Variants in SUSD1 observed in about 807,000 individuals in gnomAD.
The protein encoded by SUSD1 is sushi domain containing 1, also known as sushi domain-containing protein 1.
In SUSD1, 65 loss-of-function variants were observed where a neutral mutation model predicts 86.9. The ratio of observed to expected loss-of-function variants is 0.75; its 90% CI spans 0.61 to 0.92. The LOEUF is 0.92. Among genes scored for constraint, SUSD1 ranks in the 40% least tolerant of loss-of-function variants. The probability of loss-of-function intolerance (pLI) is 0.00; values close to 1 mark genes in which losing one functional copy is unlikely to be tolerated. For missense variants in SUSD1, 850 were observed against 929.7 expected (o/e 0.91, Z 1.11); for synonymous variants, 346 against 350.0 (o/e 0.99, Z 0.13).
intron 8 of SUSD1, chr9:112,103,102 A>T (rs1351182259): frequency 2.2e-6 from 1 of 451,034 alleles, no homozygotes; most frequent in Non-Finnish European, 4.5e-6. Flanking sequence ...GTAAATGTCT[A>T]CCAGAGAGAA....
At chr9:112,143,678 A>AG in intron 3 of SUSD1, 55 bp from the exon 4 acceptor site, 1 of 1,538,400 alleles carries the variant, frequency 6.5e-7, no homozygotes, top group Non-Finnish European at 8.8e-7. Flanking sequence ...AAAGAAAAAA[A>AG]AAAGGAGAGG....
chr9:112,068,772 T>C (rs1829111729), intron 12 of SUSD1, among the ~76,000 whole-genome samples: 1 of 151,250 alleles, frequency 6.6e-6, no homozygotes, highest in Non-Finnish European at 1.5e-5. Context: ...GATCAAAGGA[T>C]GAATAGAAAA....
intron 5 of SUSD1, among the ~76,000 whole-genome samples, chr9:112,130,611 G>GAAGGA (rs1007418146): frequency 1.4e-4 from 20 of 143,680 alleles, no homozygotes; most frequent in East Asian, 1.2e-3. Context: ...GAAAGGAAAG[G>GAAGGA]AAGGAAAGGA....
At chr9:112,088,562 G>A (rs1396542232) in intron 10 of SUSD1, among the ~76,000 whole-genome samples, 2 of 152,158 alleles carry the variant, frequency 1.3e-5, no homozygotes, top group African/African-American at 4.8e-5. Flanking sequence ...CAAGGTAGGA[G>A]GATCACTTAA....
chr9:112,136,237 T>C (rs1462339018), intron 5 of SUSD1, among the ~76,000 whole-genome samples: 2 of 152,152 alleles, frequency 1.3e-5, no homozygotes, highest in African/African-American at 4.8e-5. Flanking sequence ...TTTATTTATT[T>C]TGAAAATTTT....
intron 15 of SUSD1, chr9:112,042,178 T>C: frequency 6.5e-7 from 1 of 1,536,832 alleles, no homozygotes; most frequent in Non-Finnish European, 8.7e-7. Context: ...GAAAAGGAAG[T>C]GTAAAGCCAG....
At chr9:112,059,371 A>T (rs1164026885) in intron 13 of SUSD1, among the ~76,000 whole-genome samples, 2 of 152,220 alleles carry the variant, frequency 1.3e-5, no homozygotes, top group African/African-American at 4.8e-5. Context: ...GTGGGCAAAT[A>T]AAGCCCAACT....
intron 1 of SUSD1, among the ~76,000 whole-genome samples, chr9:112,174,926 G>T (rs965350767): frequency 7.9e-5 from 12 of 151,594 alleles, no homozygotes; most frequent in African/African-American, 2.9e-4. Flanking sequence ...GGTCGGGCGG[G>T]GGCAGGGAAG....
At chr9:112,139,769 C>G (rs1024219350) in intron 5 of SUSD1, among the ~76,000 whole-genome samples, 4 of 151,440 alleles carry the variant, frequency 2.6e-5, no homozygotes, top group African/African-American at 9.7e-5. Flanking sequence ...TAACTTATTT[C>G]CAATTAAAAA....
intron 12 of SUSD1, among the ~76,000 whole-genome samples, chr9:112,064,726 A>G (rs1291814742): frequency 6.6e-6 from 1 of 152,246 alleles, no homozygotes; most frequent in South Asian, 2.1e-4. Context: ...AGATGCAAAA[A>G]TTAGCCAGGC....
chr9:112,117,934 G>A lies in SUSD1; in HGVS notation c.887-5066C>T, dbSNP rs143556539. Among the ~76,000 whole-genome samples the A allele has an allele frequency of 3.4e-3, 521 of 152,316 alleles. 1 individual carries two copies. The highest frequency in any genetic ancestry group is 0.012 in the African/African-American group (498 of 41,556). The stretch of plus-strand genomic sequence containing the variant: ...ATGCTACAGTGAAGTGGGGGTGTTC[G>A]ATGCCTGGTTTCCCCCCAGTAGGCT... On this transcript the variant is annotated intron_variant, in intron 6 of 16. Coordinates refer to ENST00000374270, the MANE Select transcript of SUSD1 (RefSeq NM_022486.5).
chr9:112,052,017 G>GT, intron 15 of SUSD1: 1 of 588,730 alleles, frequency 1.7e-6, no homozygotes, highest in Non-Finnish European at 2.5e-6. Context: ...GAAAAGCTAT[G>GT]TTTTCCCAGT....
chr9:112,108,797 A>AAAAG (rs1301134664), intron 8 of SUSD1, among the ~76,000 whole-genome samples: 2 of 146,232 alleles, frequency 1.4e-5, no homozygotes, highest in Admixed American at 7.1e-5. Flanking sequence ...AAAAAGAAAA[A>AAAAG]AAAGAAAGAA....
intron 11 of SUSD1, among the ~76,000 whole-genome samples, chr9:112,079,418 T>G (rs998626705): frequency 2.7e-4 from 41 of 152,102 alleles, no homozygotes; most frequent in South Asian, 2.1e-4. Context: ...GAATCCAAAC[T>G]AAGCAGGACC....
At chr9:112,067,756 A>G (rs941366926) in intron 12 of SUSD1, among the ~76,000 whole-genome samples, 15 of 152,160 alleles carry the variant, frequency 9.9e-5, no homozygotes, top group African/African-American at 3.4e-4. Flanking sequence ...GAGGAAGGGC[A>G]TGATGGAAGG....
intron 1 of SUSD1, among the ~76,000 whole-genome samples, chr9:112,160,368 A>AC (rs1412271558): frequency 4.6e-5 from 7 of 152,010 alleles, no homozygotes; most frequent in African/African-American, 1.7e-4. Flanking sequence ...ACGTGGTGAA[A>AC]CCCCATCTCT....
chr9:112,133,003 C>T (rs553788181), intron 5 of SUSD1, among the ~76,000 whole-genome samples: 7 of 152,278 alleles, frequency 4.6e-5, no homozygotes, highest in African/African-American at 9.6e-5. Context: ...CAAGGCTGGG[C>T]GCAGTAGCTC....
intron 1 of SUSD1, among the ~76,000 whole-genome samples, chr9:112,166,799 G>A (rs943589168): frequency 1.3e-5 from 2 of 152,152 alleles, no homozygotes; most frequent in African/African-American, 2.4e-5. Context: ...TGTAGTAACC[G>A]AGGGAATGAC....
chr9:112,046,633 C>A (rs1440971426), intron 15 of SUSD1, among the ~76,000 whole-genome samples: 1 of 152,132 alleles, frequency 6.6e-6, no homozygotes, highest in Non-Finnish European at 1.5e-5. Flanking sequence ...TGGGTGTGGA[C>A]ATTTTTTCAT....
Sources: gnomAD v4.1 joint callset for allele counts (sites outside exome capture counted in the v4.1 genomes callset) on GRCh38, gnomAD v4.1.1 for gene constraint, MANE v1.5 for transcripts, NCBI Gene and HGNC (gene_info 2026-07-23, HGNC 2026-07-21) for gene names.